STAT3: variants seen among roughly 807,000 people sequenced by gnomAD.
The protein encoded by STAT3 is DNA-binding protein APRF.
In STAT3, 7 loss-of-function variants were observed where a neutral mutation model predicts 114.3. That is an observed-to-expected ratio of 0.06 (90% CI 0.03 to 0.11). The LOEUF (loss-of-function observed/expected upper bound fraction) is 0.11. STAT3 is among the 10% of genes least tolerant of loss of function. The pLI is 1.00. For synonymous variants in STAT3, 331 were observed against 354.5 expected (o/e 0.93, Z 0.74); for missense variants, 364 against 960.9 (o/e 0.38, Z 8.21).
rs191026212 is a variant in STAT3 at position 42,375,794 on chromosome 17, A to G, written c.-24+12485T>C. ...TGGTGAGCCGAGATCGCGCCATTGC[A>G]CTCCAGCCTGGGCAACAAGAGCGAA... On this transcript the variant is annotated intron_variant, in intron 1 of 23. Coordinates refer to ENST00000264657, the MANE Select transcript of STAT3 (RefSeq NM_139276.3). Among the ~76,000 whole-genome samples, 190 of 150,850 alleles carry G rather than the reference A, an allele frequency of 1.3e-3. 2 individuals carry two copies. The highest frequency in any genetic ancestry group is 4.4e-3 in the African/African-American group (180 of 41,142).
chr17:42,343,406 T>C (rs1428264955), intron 4 of STAT3, among the ~76,000 whole-genome samples: 3 of 151,552 alleles, frequency 2.0e-5, no homozygotes, highest in Non-Finnish European at 4.4e-5. Context: ...ATACCAATAG[T>C]ATATGCAAAT....
intron 10 of STAT3, among the ~76,000 whole-genome samples, chr17:42,332,537 C>CAAAAA (rs759010924): frequency 2.5e-5 from 1 of 40,782 alleles, no homozygotes; most frequent in East Asian, 9.8e-4. Flanking sequence ...GACTCCATCT[C>CAAAAA]AAAAAAAAAA....
chr17:42,329,907 A>G, intron 11 of STAT3, 131 bp from the exon 12 acceptor site: 1 of 1,063,138 alleles, frequency 9.4e-7, no homozygotes, highest in Non-Finnish European at 1.4e-6. Context: ...CTATTCAGTT[A>G]CAGTTGATCA....
intron 1 of STAT3, among the ~76,000 whole-genome samples, chr17:42,364,069 A>G (rs989321006): frequency 7.2e-5 from 11 of 152,084 alleles, no homozygotes; most frequent in African/African-American, 2.4e-4. Context: ...CTGATTTAGA[A>G]CTTCCCACAG....
At chr17:42,374,038 G>A (rs1315584916) in intron 1 of STAT3, 4 of 152,138 alleles carry the variant, frequency 2.6e-5, no homozygotes, top group Admixed American at 2.0e-4. Context: ...AATGTATAAT[G>A]TACTTAGAAA....
At chr17:42,328,497 T>C (rs531477920) in intron 14 of STAT3, among the ~76,000 whole-genome samples, 2 of 152,292 alleles carry the variant, frequency 1.3e-5, no homozygotes, top group African/African-American at 4.8e-5. Flanking sequence ...AAGCTCCACC[T>C]CTCAGGTTCA....
chr17:42,347,911 G>A (rs569105586), intron 2 of STAT3, among the ~76,000 whole-genome samples: 66 of 152,252 alleles, frequency 4.3e-4, no homozygotes, highest in East Asian at 1.9e-3. Flanking sequence ...ACTATGAGCC[G>A]ATTAAACCTC....
chr17:42,345,267 GAA>G (rs1156741636), intron 4 of STAT3: 474 of 270,696 alleles, frequency 1.8e-3, no homozygotes, highest in Middle Eastern at 4.7e-3. Context: ...CTCTGTCTCA[GAA>G]AAAAAAAAAA....
intron 22 of STAT3, 37 bp from the exon 23 acceptor site, chr17:42,316,938 G>T (rs1415846731): frequency 1.3e-6 from 2 of 1,598,724 alleles, no homozygotes; most frequent in African/African-American, 1.4e-5. Flanking sequence ...GGGAAACGGG[G>T]GGTTGACAAG....
rs528388603 is a variant in STAT3 at position 42,346,892 on chromosome 17, T to C, written c.129-179A>G. On this transcript the variant is annotated intron_variant, in intron 2 of 23. Coordinates refer to ENST00000264657, the MANE Select transcript of STAT3 (RefSeq NM_139276.3). ...TAAAATGCCATCAATGTAATAATTATTAACAATTATTCCAGGCCAGGCATG... is the reference window on the plus strand; with the variant it reads ...TAAAATGCCATCAATGTAATAATTACTAACAATTATTCCAGGCCAGGCATG... Among the ~76,000 whole-genome samples, 93 of 152,268 alleles carry C rather than the reference T, an allele frequency of 6.1e-4. 2 individuals carry two copies. Among genetic ancestry groups the C allele is most frequent in the African/African-American group, 2.2e-3 (90 of 41,568 alleles).
chr17:42,386,118 T>C (rs1455558038), intron 1 of STAT3, among the ~76,000 whole-genome samples: 1 of 151,922 alleles, frequency 6.6e-6, no homozygotes, highest in Non-Finnish European at 1.5e-5. Context: ...CGGTCTCTAC[T>C]AAAAATACAA....
At chr17:42,338,866 A>G in intron 5 of STAT3, 54 bp from the exon 6 acceptor site, 1 of 1,484,924 alleles carries the variant, frequency 6.7e-7, no homozygotes, top group Non-Finnish European at 9.3e-7. Context: ...TTCCTTGGGA[A>G]CAGAAAATAT....
At chr17:42,350,379 T>A (rs558027953) in intron 1 of STAT3, among the ~76,000 whole-genome samples, 2 of 152,298 alleles carry the variant, frequency 1.3e-5, no homozygotes, top group African/African-American at 4.8e-5. Flanking sequence ...ACTCCTGGGC[T>A]CAGGCAATCC....
chr17:42,383,238 G>A (rs1223788722), intron 1 of STAT3, among the ~76,000 whole-genome samples: 1 of 152,090 alleles, frequency 6.6e-6, no homozygotes, highest in Admixed American at 6.6e-5. Flanking sequence ...TGTATTTTTA[G>A]TAGAGACGGG....
chr17:42,348,339 G>C (rs2082789151), intron 2 of STAT3, 50 bp downstream of exon 2: 1 of 1,611,806 alleles, frequency 6.2e-7, no homozygotes, highest in African/African-American at 1.3e-5. Flanking sequence ...CATGTCTCTT[G>C]ACTCAAACTG....
chr17:42,368,747 T>C (rs1371431711), intron 1 of STAT3, among the ~76,000 whole-genome samples: 2 of 151,622 alleles, frequency 1.3e-5, no homozygotes, highest in South Asian at 2.1e-4. Flanking sequence ...TTTTTTTTTT[T>C]AACTTTTATT....
intron 1 of STAT3, among the ~76,000 whole-genome samples, chr17:42,353,926 G>C (rs1402590963): frequency 6.6e-6 from 1 of 152,090 alleles, no homozygotes; most frequent in Non-Finnish European, 1.5e-5. Context: ...AGGCATCACA[G>C]TCTACTCCCT....
At chr17:42,363,937 A>G (rs2083645324) in intron 1 of STAT3, among the ~76,000 whole-genome samples, 1 of 151,974 alleles carries the variant, frequency 6.6e-6, no homozygotes, top group Non-Finnish European at 1.5e-5. Flanking sequence ...CCCTAGTCCA[A>G]TGACTGCTTT....
chr17:42,382,113 G>A (rs1365747590), intron 1 of STAT3, among the ~76,000 whole-genome samples: 1 of 152,062 alleles, frequency 6.6e-6, no homozygotes, highest in Admixed American at 6.6e-5. Flanking sequence ...TTTTTGTAAC[G>A]CAACTTCGTG....
Sources: gnomAD v4.1 joint callset for allele counts (sites outside exome capture counted in the v4.1 genomes callset) on GRCh38, gnomAD v4.1.1 for gene constraint, MANE v1.5 for transcripts, NCBI Gene and HGNC (gene_info 2026-07-23, HGNC 2026-07-21) for gene names.